CYTL1: variants seen among roughly 807,000 people sequenced by gnomAD.
CYTL1 encodes the protein cytokine like 1, also known as cytokine-like protein 1.
In CYTL1, 17 loss-of-function variants were observed where a neutral mutation model predicts 13.1. That is an observed-to-expected ratio of 1.29 (90% CI 0.89 to 1.94). CYTL1 has a LOEUF of 1.94. Ranked by LOEUF, CYTL1 falls within the 30% of genes most tolerant of loss-of-function variation. CYTL1 has a pLI of 0.00. For missense variants in CYTL1, 213 were observed against 174.8 expected (o/e 1.22, Z -1.23); for synonymous variants, 91 against 79.4 (o/e 1.15, Z -0.78).
chr4:5,015,599 C>G (rs1741056091), intron 3 of CYTL1, among the ~76,000 whole-genome samples: 1 of 152,208 alleles, frequency 6.6e-6, no homozygotes, highest in Non-Finnish European at 1.5e-5. Flanking sequence ...ATCAATACCA[C>G]TTCTCATCAC....
Position 5,015,097 on chromosome 4 carries a change from G to C in CYTL1, c.*54C>G. ...GTCATGGCTCTGGCCCATTAAGTCT[G>C]GGTAGCTGACATAACTGTAGTTCTC... is the stretch of plus-strand genomic sequence containing the variant. On this transcript the variant is annotated 3_prime_UTR_variant, in exon 4 of 4. Transcript: ENST00000307746. 1 of 1,447,296 alleles carries C rather than the reference G, an allele frequency of 6.9e-7. No homozygotes were observed. The highest frequency in any genetic ancestry group is 1.2e-5 in the South Asian group (1 of 86,424). 89.7% of individuals were successfully genotyped at this position (1,447,296 alleles called of 1,614,324 possible).
Position 5,015,020 on chromosome 4 carries a change from G to T in CYTL1, c.*131C>A. The T allele has an allele frequency of 1.3e-6, 1 of 788,534 alleles. No homozygotes were observed. Among genetic ancestry groups the T allele is most frequent in the Non-Finnish European group, 2.2e-6 (1 of 462,590 alleles). 48.8% of individuals were successfully genotyped at this position (788,534 alleles called of 1,614,324 possible). On this transcript the variant is annotated 3_prime_UTR_variant, in exon 4 of 4. Transcript: ENST00000307746. ...GGAATACCAGCCCTGTTTTCCAGAA[G>T]GTAGAGAGATACATAACAGTTTCAG...
Position 5,019,364 on chromosome 4 carries a change from A to G in CYTL1, c.82T>C (p.Tyr28His), listed in dbSNP as rs895033547. The G allele has an allele frequency of 1.3e-6, 2 of 1,514,980 alleles. No homozygotes were observed. Among genetic ancestry groups the G allele is most frequent in the Non-Finnish European group, 1.8e-6 (2 of 1,139,170 alleles). 93.8% of individuals were successfully genotyped at this position (1,514,980 alleles called of 1,614,324 possible). A position where few individuals can be genotyped will look rare whatever the true frequency, so the allele number is the denominator to read the frequency against. Residue 28 changes from tyrosine to histidine, a missense_variant, in exon 1 of 4, where the codon TAC becomes CAC. Coordinates refer to ENST00000307746, the MANE Select transcript of CYTL1 (RefSeq NM_018659.3). ...TGGCTCAGGGCCCGCATGCGGGAGT[A>G]GCAGGTCGGGGGAGTGGGCCGCGCG... ...PAARPTPPTCYSRMRALSQEI... is the reference protein window; with the variant it reads ...PAARPTPPTCHSRMRALSQEI...
At position 5,017,230 on chromosome 4, in the gene CYTL1, C is replaced by A; in HGVS notation, c.154-51G>T. The A allele has an allele frequency of 4.4e-6, 7 of 1,584,970 alleles. No individual in the cohort carries two copies. The South Asian group carries it at 8.0e-5, about 18-fold the overall frequency. ...GGATGCCCACAGGGGCATACCTGGT[C>A]ACAAAAGTCTCCCTAGTGGCCCTCT... On this transcript the variant is annotated intron_variant, in intron 1 of 3. Transcript: ENST00000307746.
At chr4:5,016,196 A>T (rs1741068105) in intron 3 of CYTL1, among the ~76,000 whole-genome samples, 1 of 152,222 alleles carries the variant, frequency 6.6e-6, no homozygotes, top group Admixed American at 6.5e-5. Context: ...GACCTCTGCC[A>T]TGGTATGATG....
chr4:5,014,928 C>A lies in CYTL1; in HGVS notation c.*223G>T. The A allele has an allele frequency of 1.9e-6, 1 of 539,636 alleles. No homozygotes were observed. The highest frequency in any genetic ancestry group is 2.2e-5 in the South Asian group (1 of 44,632). 33.4% of individuals were successfully genotyped at this position (539,636 alleles called of 1,614,324 possible). On this transcript the variant is annotated 3_prime_UTR_variant, in exon 4 of 4. Coordinates refer to ENST00000307746, the MANE Select transcript of CYTL1 (RefSeq NM_018659.3). ...CATGCTGTGTATCTAACCATCCTGGCAAGACATGAGTCAAGGGAATGAGAA... is the reference window on the plus strand; with the variant it reads ...CATGCTGTGTATCTAACCATCCTGGAAAGACATGAGTCAAGGGAATGAGAA...
Position 5,015,157 on chromosome 4 carries a change from C to G in CYTL1, c.405G>C (p.Gln135His). Residue 135 changes from glutamine (Q) to histidine (H), a missense_variant, in exon 4 of 4, where the codon CAG becomes CAC. By Grantham distance (24) the Gln-to-His change is conservative. Coordinates refer to ENST00000307746, the MANE Select transcript of CYTL1 (RefSeq NM_018659.3). ...TTCTCTGGTCTCAGTTCCCTTAGCG[C>G]TGACGATCTGGCAGGACCGTAGTCA... Reference protein sequence around the residue: ...IPVTTVLPDRQR With the variant: ...IPVTTVLPDRHR 1 of 1,613,842 alleles carries G rather than the reference C, an allele frequency of 6.2e-7. No homozygotes were observed. The highest frequency in any genetic ancestry group is 8.5e-7 in the Non-Finnish European group (1 of 1,179,880).
At chr4:5,017,393 T>C (rs1190973777) in intron 1 of CYTL1, among the ~76,000 whole-genome samples, 1 of 152,220 alleles carries the variant, frequency 6.6e-6, no homozygotes, top group Admixed American at 6.5e-5. Context: ...ATACAACTTT[T>C]ATATCATTTG....
chr4:5,015,667 G>A (rs1415634199), intron 3 of CYTL1, among the ~76,000 whole-genome samples: 1 of 152,216 alleles, frequency 6.6e-6, no homozygotes, highest in African/African-American at 2.4e-5. Flanking sequence ...AGGGAGCAGG[G>A]AGGAGGAGGA....
chr4:5,018,816 G>A (rs1234627664), intron 1 of CYTL1, among the ~76,000 whole-genome samples: 2 of 152,314 alleles, frequency 1.3e-5, no homozygotes, highest in East Asian at 1.9e-4. Flanking sequence ...GAAAGGCAGA[G>A]GCTGAGAAAT....
chr4:5,019,003 C>CTTTTTTTTT (rs1186542271), intron 1 of CYTL1, among the ~76,000 whole-genome samples: 435 of 89,416 alleles, frequency 4.9e-3, no homozygotes, highest in African/African-American at 6.9e-3. Context: ...TTTCTTTTTT[C>CTTTTTTTTT]TTTTTTTTTT....
At chr4:5,015,883 T>C (rs1423413829) in intron 3 of CYTL1, among the ~76,000 whole-genome samples, 1 of 152,146 alleles carries the variant, frequency 6.6e-6, no homozygotes, top group Non-Finnish European at 1.5e-5. Context: ...TAATTATTAT[T>C]ATCCACCTCA....
At chr4:5,018,292 AG>A (rs1741122951) in intron 1 of CYTL1, among the ~76,000 whole-genome samples, 1 of 152,168 alleles carries the variant, frequency 6.6e-6, no homozygotes, top group African/African-American at 2.4e-5. Flanking sequence ...CTACGGCAGC[AG>A]CTACCTCTAG....
chr4:5,016,916 A>G lies in CYTL1; in HGVS notation c.247T>C (p.Cys83Arg). The G allele has an allele frequency of 1.2e-6, 2 of 1,614,164 alleles. No individual in the cohort carries two copies. Among genetic ancestry groups the G allele is most frequent in the Non-Finnish European group, 1.7e-6 (2 of 1,180,022 alleles). ...KLRDFVASPP[C>R]WKVAQVDSLK... is the part of the protein sequence containing the mutation. Reference sequence around the variant, plus strand: ...GAATCTACCTGGGCCACTTTCCAACACGGGGGCGAGGCCACAAAGTCCCGC... The same window carrying G: ...GAATCTACCTGGGCCACTTTCCAACGCGGGGGCGAGGCCACAAAGTCCCGC... The change falls in exon 3 of 4, where the codon TGT becomes CGT. Residue 83 changes from cysteine to arginine, a missense_variant. By Grantham distance (180) the Cys-to-Arg change is radical. Coordinates refer to ENST00000307746, the MANE Select transcript of CYTL1 (RefSeq NM_018659.3).
In CYTL1 at chr4:5,014,840, A is replaced by G. The variant is rs1173720805; in HGVS notation, c.*311T>C. On this transcript the variant is annotated 3_prime_UTR_variant, in exon 4 of 4. Coordinates refer to ENST00000307746, the MANE Select transcript of CYTL1 (RefSeq NM_018659.3). ...AAAACATACTATTGTGCAAGTTCTC[A>G]AAATAGTTGTTCATAAAAGTGAAGC... 3.0e-6 allele frequency: 1 copy of G among 338,848 alleles called. No individual in the cohort carries two copies. The highest frequency in any genetic ancestry group is 7.3e-5 in the East Asian group (1 of 13,610). The allele number at this position is 338,848 out of a possible 1,614,324, so 21.0% of individuals were successfully genotyped here.
intron 3 of CYTL1, 22 bp from the exon 4 acceptor site, chr4:5,015,256 C>T: frequency 1.2e-6 from 2 of 1,600,308 alleles, no homozygotes; most frequent in Non-Finnish European, 1.7e-6. Flanking sequence ...GTGCAATGAG[C>T]AGGAAAGTTA....
intron 1 of CYTL1, among the ~76,000 whole-genome samples, chr4:5,018,448 C>T (rs1037303845): frequency 5.3e-5 from 8 of 152,186 alleles, no homozygotes; most frequent in Non-Finnish European, 1.0e-4. Flanking sequence ...GTTAGCTAGG[C>T]TTTTGTAAAC....
At chr4:5,018,380 T>C (rs1234634341) in intron 1 of CYTL1, among the ~76,000 whole-genome samples, 1 of 152,218 alleles carries the variant, frequency 6.6e-6, no homozygotes, top group Non-Finnish European at 1.5e-5. Context: ...ACAATACTTT[T>C]ATAATTAGGG....
intron 1 of CYTL1, among the ~76,000 whole-genome samples, chr4:5,018,907 C>G (rs553251599): frequency 2.6e-5 from 4 of 151,242 alleles, no homozygotes; most frequent in Admixed American, 1.3e-4. Context: ...ACTAGGCTAA[C>G]AAAAGCAATA....
Sources: allele counts gnomAD v4.1 joint callset (sites outside exome capture counted in the v4.1 genomes callset), GRCh38; gene constraint gnomAD v4.1.1; transcripts MANE v1.5; gene names NCBI Gene and HGNC (gene_info 2026-07-23, HGNC 2026-07-21).